The following RNF217 variants were observed in gnomAD, a reference collection of about 807,000 sequenced individuals.
RNF217 encodes ring finger protein 217, also known as E3 ubiquitin-protein ligase RNF217.
In RNF217, 31 loss-of-function variants were observed where a neutral mutation model predicts 57.8. That is an observed-to-expected ratio of 0.54 (90% CI 0.40 to 0.72). The LOEUF (loss-of-function observed/expected upper bound fraction) is 0.72, where lower values mean the gene tolerates loss of function less well. Ranked by LOEUF, RNF217 falls within the 30% of genes least tolerant of loss-of-function variation. RNF217 has a pLI of 0.00. For synonymous variants in RNF217, 313 were observed against 294.0 expected (o/e 1.06, Z -0.66); for missense variants, 696 against 708.3 (o/e 0.98, Z 0.20).
At position 124,997,928 on chromosome 6, in the gene RNF217, T is replaced by C. The variant is rs558714331; in HGVS notation, c.882+34502T>C. Among the ~76,000 whole-genome samples, 4 of 152,332 alleles carry C rather than the reference T, an allele frequency of 2.6e-5. No homozygotes were observed. The East Asian group carries it at 7.7e-4, about 29-fold the overall frequency. Reference sequence around the variant, plus strand: ...CTTGAACTGTCCTTACCTGTTCTTATGTGACGGTGACTCCAAAATTTCCAT... The same window carrying C: ...CTTGAACTGTCCTTACCTGTTCTTACGTGACGGTGACTCCAAAATTTCCAT... On this transcript the variant is annotated intron_variant, in intron 1 of 5. Coordinates refer to ENST00000521654, the MANE Select transcript of RNF217 (RefSeq NM_001286398.3).
chr6:125,027,547 AT>A (rs1786156020), intron 1 of RNF217, among the ~76,000 whole-genome samples: 1 of 152,056 alleles, frequency 6.6e-6, no homozygotes, highest in South Asian at 2.1e-4. Context: ...TTTCTTTACC[AT>A]TTGTCTGTTG....
intron 3 of RNF217, among the ~76,000 whole-genome samples, chr6:125,064,617 G>C (rs1327829369): frequency 6.6e-6 from 1 of 152,108 alleles, no homozygotes; most frequent in Non-Finnish European, 1.5e-5. Flanking sequence ...AGAAGTAAAA[G>C]AGGAAATGAA....
chr6:124,972,375 C>T (rs988510592), intron 1 of RNF217, among the ~76,000 whole-genome samples: 9 of 152,290 alleles, frequency 5.9e-5, no homozygotes, highest in African/African-American at 2.2e-4. Flanking sequence ...CCCAGTGATG[C>T]TCTCTTGGCT....
At position 125,090,994 on chromosome 6, in the gene RNF217, T is replaced by C. The variant is rs1008169404; in HGVS notation, c.*8057T>C. 1.3e-5 allele frequency: 2 copies of C among 151,984 alleles called. No homozygotes were observed. The highest frequency in any genetic ancestry group is 2.9e-5 in the Non-Finnish European group (2 of 67,880). 9.4% of individuals were successfully genotyped at this position (151,984 alleles called of 1,614,324 possible). ...TATGCAGAAATCTCTCAAAAGAAATTGCAAAGGAAAAATTACGTTGAGATG... is the reference window on the plus strand; with the variant it reads ...TATGCAGAAATCTCTCAAAAGAAATCGCAAAGGAAAAATTACGTTGAGATG... On this transcript the variant is annotated 3_prime_UTR_variant, in exon 6 of 6. Coordinates refer to ENST00000521654, the MANE Select transcript of RNF217 (RefSeq NM_001286398.3).
Position 125,084,708 on chromosome 6 carries a change from A to G in RNF217, c.*1771A>G, listed in dbSNP as rs1788720100. 1 of 151,972 alleles carries G rather than the reference A, an allele frequency of 6.6e-6. No homozygotes were observed. Among genetic ancestry groups the G allele is most frequent in the Admixed American group, 6.6e-5 (1 of 15,244 alleles). The allele number at this position is 151,972 out of a possible 1,614,324, so 9.4% of individuals were successfully genotyped here. On this transcript the variant is annotated 3_prime_UTR_variant, in exon 6 of 6. Transcript: ENST00000521654. ...GCTACAGCTTCTGGATTAGTTGTCT[A>G]TTTCCAGTTAGAGGAGTGTGTGACA... is the stretch of plus-strand genomic sequence containing the variant.
intron 1 of RNF217, among the ~76,000 whole-genome samples, chr6:125,042,087 G>A (rs1472610371): frequency 6.6e-5 from 10 of 152,100 alleles, no homozygotes; most frequent in African/African-American, 2.4e-4. Context: ...TTAGTTGTTT[G>A]CTAGTGATCT....
chr6:125,077,136 G>A (rs919271047), intron 4 of RNF217, among the ~76,000 whole-genome samples: 2 of 152,036 alleles, frequency 1.3e-5, no homozygotes, highest in South Asian at 2.1e-4. Context: ...AAACCCTGTC[G>A]TAAGCCACTT....
chr6:125,040,528 C>T (rs781272467), intron 1 of RNF217, among the ~76,000 whole-genome samples: 1 of 152,162 alleles, frequency 6.6e-6, no homozygotes, highest in Non-Finnish European at 1.5e-5. Context: ...GAGCTAATAT[C>T]ATTCCTTCTG....
At chr6:125,018,892 A>G (rs1785713992) in intron 1 of RNF217, among the ~76,000 whole-genome samples, 1 of 152,126 alleles carries the variant, frequency 6.6e-6, no homozygotes, top group Admixed American at 6.6e-5. Context: ...TCTATGGAGA[A>G]TCCATATAAA....
chr6:125,024,719 C>CA (rs35985972), intron 1 of RNF217, among the ~76,000 whole-genome samples: 1,856 of 83,328 alleles, frequency 0.022, 26 homozygotes, highest in African/African-American at 0.038. Flanking sequence ...GACTCTGTCT[C>CA]AAAAAAAAAA....
intron 1 of RNF217, among the ~76,000 whole-genome samples, chr6:125,003,774 A>G (rs535739968): frequency 1.2e-4 from 19 of 152,156 alleles, no homozygotes; most frequent in East Asian, 7.7e-4. Context: ...TGATTTTTTT[A>G]TTGTCTTTAT....
Position 125,010,795 on chromosome 6 carries a change from A to T in RNF217, c.883-34416A>T, listed in dbSNP as rs191957143. Among the ~76,000 whole-genome samples, 236 of 152,272 alleles carry T rather than the reference A, an allele frequency of 1.5e-3. 2 individuals carry two copies. Among genetic ancestry groups the T allele is most frequent in the Admixed American group, 2.1e-3 (32 of 15,298 alleles). On this transcript the variant is annotated intron_variant, in intron 1 of 5. Transcript: ENST00000521654. Reference sequence around the variant, plus strand: ...TCATGTGCATTTAGTAGTCTCCCTGATGCTGCTGTGCCTGGGTGTAGCAGA... The same window carrying T: ...TCATGTGCATTTAGTAGTCTCCCTGTTGCTGCTGTGCCTGGGTGTAGCAGA...
intron 1 of RNF217, among the ~76,000 whole-genome samples, chr6:125,038,414 C>G (rs899031762): frequency 4.0e-5 from 6 of 151,818 alleles, no homozygotes; most frequent in African/African-American, 1.2e-4. Context: ...TTTTTTAGCC[C>G]CATACTGAAA....
At chr6:125,018,433 A>G (rs1354502885) in intron 1 of RNF217, among the ~76,000 whole-genome samples, 1 of 152,210 alleles carries the variant, frequency 6.6e-6, no homozygotes, top group African/African-American at 2.4e-5. Flanking sequence ...CTTTGAGCAC[A>G]AGATTTTTGA....
intron 3 of RNF217, among the ~76,000 whole-genome samples, chr6:125,066,665 AT>A (rs1787947974): frequency 6.6e-6 from 1 of 151,938 alleles, no homozygotes; most frequent in African/African-American, 2.4e-5. Flanking sequence ...CATATGCCTT[AT>A]TTTTTCTCCA....
At chr6:125,064,776 A>G (rs890337475) in intron 3 of RNF217, among the ~76,000 whole-genome samples, 1 of 152,118 alleles carries the variant, frequency 6.6e-6, no homozygotes, top group Admixed American at 6.6e-5. Flanking sequence ...TTTTATATGT[A>G]TATCACATGT....
intron 4 of RNF217, among the ~76,000 whole-genome samples, chr6:125,079,623 T>C (rs1788502123): frequency 6.6e-6 from 1 of 152,160 alleles, no homozygotes; most frequent in South Asian, 2.1e-4. Flanking sequence ...GCAAATGTTT[T>C]ATCAAGTTAA....
chr6:125,047,065 G>A (rs893415117), intron 2 of RNF217, among the ~76,000 whole-genome samples: 1 of 151,824 alleles, frequency 6.6e-6, no homozygotes, highest in African/African-American at 2.4e-5. Context: ...TATTTTCATT[G>A]CAATTGTATG....
chr6:125,042,819 A>G (rs966323440), intron 1 of RNF217, among the ~76,000 whole-genome samples: 1 of 152,028 alleles, frequency 6.6e-6, no homozygotes, highest in South Asian at 2.1e-4. Context: ...TTCCATTGCT[A>G]TCATTTACAT....
Sources: gnomAD v4.1 joint callset for allele counts (sites outside exome capture counted in the v4.1 genomes callset) on GRCh38, gnomAD v4.1.1 for gene constraint, MANE v1.5 for transcripts, NCBI Gene and HGNC (gene_info 2026-07-23, HGNC 2026-07-21) for gene names.